NRIP1: variants seen among roughly 807,000 people sequenced by gnomAD.
The protein encoded by NRIP1 is nuclear receptor-interacting protein 1.
A neutral mutation model predicts 75.0 loss-of-function variants in NRIP1; 28 were observed. The observed-to-expected ratio is 0.37, with a 90% CI of 0.28 to 0.51. The LOEUF is 0.51. Ranked by LOEUF, NRIP1 falls within the 20% of genes least tolerant of loss-of-function variation. The pLI, the probability that NRIP1 is intolerant of heterozygous loss-of-function variation, is 0.92. For synonymous variants in NRIP1, 526 were observed against 487.6 expected (o/e 1.08, Z -1.04); for missense variants, 1,435 against 1,343.7 (o/e 1.07, Z -1.06).
intron 3 of NRIP1, among the ~76,000 whole-genome samples, chr21:14,969,217 A>G (rs1046444748): frequency 1.2e-4 from 19 of 152,222 alleles, no homozygotes; most frequent in Admixed American, 9.8e-4. Context: ...ATGACTTATT[A>G]AAGACAGAGA....
chr21:14,965,887 T>C lies in NRIP1; in HGVS notation c.2306A>G (p.Asn769Ser). ...PCDDLQIPNT[N>S]VHLSHDAKSA... ...CTTAGCATCATGGCTCAAGTGCACA[T>C]TTGTGTTAGGAATTTGTAAGTCATC... The change falls in exon 4 of 4, where the codon AAT becomes AGT. Residue 769 changes from asparagine to serine, a missense_variant. Transcript: ENST00000318948. The C allele has an allele frequency of 1.9e-6, 3 of 1,614,094 alleles. No homozygotes were observed. The highest frequency in any genetic ancestry group is 2.5e-6 in the Non-Finnish European group (3 of 1,179,982).
chr21:14,982,081 C>T (rs373123409), intron 3 of NRIP1, among the ~76,000 whole-genome samples: 5 of 152,228 alleles, frequency 3.3e-5, no homozygotes, highest in African/African-American at 1.2e-4. Context: ...AGCTCCTGGG[C>T]TCAAGAGATC....
At chr21:15,038,688 C>A (rs1568999653) in intron 2 of NRIP1, among the ~76,000 whole-genome samples, 1 of 152,024 alleles carries the variant, frequency 6.6e-6, no homozygotes, top group African/African-American at 2.4e-5. Context: ...TTCAAATCAT[C>A]CAAATGTATT....
intron 3 of NRIP1, among the ~76,000 whole-genome samples, chr21:14,975,346 T>A (rs1234765527): frequency 6.6e-5 from 10 of 152,074 alleles, no homozygotes; most frequent in African/African-American, 2.4e-4. Context: ...AATCATCAAT[T>A]TTTAATAAAA....
chr21:15,043,706 A>T (rs75022424), intron 1 of NRIP1, 132 bp from the exon 2 acceptor site: 1 of 152,240 alleles, frequency 6.6e-6, no homozygotes, highest in Admixed American at 6.5e-5. Flanking sequence ...GGTAAAAAAA[A>T]GTATTCATAT....
intron 2 of NRIP1, among the ~76,000 whole-genome samples, chr21:15,029,926 AAC>A (rs1391870612): frequency 1.3e-5 from 2 of 152,194 alleles, no homozygotes; most frequent in Non-Finnish European, 2.9e-5. Flanking sequence ...AGCTGTGACA[AAC>A]ACTGCAGTGA....
intron 2 of NRIP1, among the ~76,000 whole-genome samples, chr21:15,027,951 T>A (rs2088559751): frequency 6.6e-6 from 1 of 152,262 alleles, no homozygotes; most frequent in Non-Finnish European, 1.5e-5. Context: ...CTAAAAAAAA[T>A]ACAATTCAAT....
rs970624654 is a variant in NRIP1 at position 14,967,962 on chromosome 21, G to A, written c.231C>T (p.Gly77=). ...GTCTGGCTTTTTTGAGGTGCAGCAT[G>A]CCAGACCCCTGATATGTATGTGTAT... is the stretch of plus-strand genomic sequence containing the variant. ...VLNTHTYQGS[G]MLHLKKARLL... The change falls in exon 4 of 4, where the codon GGC becomes GGT. Residue 77 remains glycine, a synonymous_variant. Coordinates refer to ENST00000318948, the MANE Select transcript of NRIP1 (RefSeq NM_003489.4). 1 of 1,613,888 alleles carries A rather than the reference G, an allele frequency of 6.2e-7. No homozygotes were observed. The highest frequency in any genetic ancestry group is 2.2e-5 in the East Asian group (1 of 44,866).
intron 3 of NRIP1, among the ~76,000 whole-genome samples, chr21:14,995,896 C>T (rs1276501895): frequency 6.6e-6 from 1 of 152,096 alleles, no homozygotes; most frequent in East Asian, 1.9e-4. Context: ...ATAATAGTTT[C>T]TATTTCACTT....
intron 2 of NRIP1, among the ~76,000 whole-genome samples, chr21:15,035,958 C>A (rs1410682817): frequency 1.3e-5 from 2 of 152,084 alleles, no homozygotes; most frequent in Non-Finnish European, 2.9e-5. Flanking sequence ...GAAATTACTG[C>A]GAAAATGGCA....
At chr21:15,041,265 A>AT (rs1163050094) in intron 2 of NRIP1, among the ~76,000 whole-genome samples, 1 of 152,172 alleles carries the variant, frequency 6.6e-6, no homozygotes, top group Non-Finnish European at 1.5e-5. Context: ...TTCCAACTTT[A>AT]TATAGTTTAA....
At chr21:14,999,347 C>T (rs1004588209) in intron 3 of NRIP1, among the ~76,000 whole-genome samples, 2 of 152,054 alleles carry the variant, frequency 1.3e-5, no homozygotes, top group Admixed American at 6.6e-5. Context: ...TATGTTGTCA[C>T]CCATTCTTGG....
chr21:15,033,141 C>T (rs1181907329), intron 2 of NRIP1, among the ~76,000 whole-genome samples: 7 of 149,092 alleles, frequency 4.7e-5, no homozygotes, highest in African/African-American at 1.2e-4. Flanking sequence ...AGGAGAATGG[C>T]GTGAACCTGG....
chr21:15,002,640 C>T (rs949133017), intron 3 of NRIP1, among the ~76,000 whole-genome samples: 4 of 152,140 alleles, frequency 2.6e-5, no homozygotes, highest in Non-Finnish European at 4.4e-5. Flanking sequence ...CAGTGCCCAA[C>T]AATTGTTTTT....
intron 2 of NRIP1, among the ~76,000 whole-genome samples, chr21:15,016,793 G>A (rs1459443154): frequency 6.6e-6 from 1 of 152,048 alleles, no homozygotes; most frequent in Non-Finnish European, 1.5e-5. Context: ...GCTGAGGCAG[G>A]AGAATGGTGT....
chr21:15,015,264 G>A (rs969045938), intron 2 of NRIP1, among the ~76,000 whole-genome samples: 9 of 152,260 alleles, frequency 5.9e-5, no homozygotes, highest in African/African-American at 2.2e-4. Context: ...GTTGCCTGGG[G>A]ATGAAGGATG....
rs1314848418 is a variant in NRIP1 at position 14,962,360 on chromosome 21, T to G, written c.*2356A>C. On this transcript the variant is annotated 3_prime_UTR_variant, in exon 4 of 4. Coordinates refer to ENST00000318948, the MANE Select transcript of NRIP1 (RefSeq NM_003489.4). Reference sequence around the variant, plus strand: ...TTCGTGGTCATGTTTATTTAAGTATTACATATTCTCATTCCTTTGTTAACA... The same window carrying G: ...TTCGTGGTCATGTTTATTTAAGTATGACATATTCTCATTCCTTTGTTAACA... 1 of 152,192 alleles carries G rather than the reference T, an allele frequency of 6.6e-6. No homozygotes were observed. The highest frequency in any genetic ancestry group is 1.5e-5 in the Non-Finnish European group (1 of 67,850). The allele number at this position is 152,192 out of a possible 1,614,324, so 9.4% of individuals were successfully genotyped here. A position where few individuals can be genotyped will look rare whatever the true frequency, so the allele number is the denominator to read the frequency against.
At chr21:15,037,001 A>G (rs753764139) in intron 2 of NRIP1, among the ~76,000 whole-genome samples, 32 of 152,212 alleles carry the variant, frequency 2.1e-4, no homozygotes, top group Non-Finnish European at 3.8e-4. Context: ...AGCAAAGAAT[A>G]TTAAGTCTAT....
intron 3 of NRIP1, chr21:14,991,055 G>C (rs561915410): frequency 6.6e-6 from 1 of 151,902 alleles, no homozygotes; most frequent in African/African-American, 2.4e-5. Context: ...ATGGCTCCTG[G>C]TCCTAGATTA....
Sources: allele counts gnomAD v4.1 joint callset (sites outside exome capture counted in the v4.1 genomes callset), GRCh38; gene constraint gnomAD v4.1.1; transcripts MANE v1.5; gene names NCBI Gene and HGNC (gene_info 2026-07-23, HGNC 2026-07-21).